PCBP3: variants seen among roughly 807,000 people sequenced by gnomAD.
PCBP3 encodes poly(rC)-binding protein 3.
PCBP3 carries 25 observed loss-of-function variants against 52.7 expected under a neutral mutation model. The ratio of observed to expected loss-of-function variants is 0.47; its 90% CI spans 0.35 to 0.66. The LOEUF (loss-of-function observed/expected upper bound fraction) is 0.66, where lower values mean the gene tolerates loss of function less well. PCBP3 is among the 30% of genes least tolerant of loss of function. The probability of loss-of-function intolerance (pLI) is 0.01; values close to 1 mark genes in which losing one functional copy is unlikely to be tolerated. For synonymous variants in PCBP3, 162 were observed against 183.0 expected (o/e 0.89, Z 0.93); for missense variants, 391 against 490.3 (o/e 0.80, Z 1.91).
chr21:45,699,048 C>G (rs2082953879), intron 2 of PCBP3, among the ~76,000 whole-genome samples: 1 of 152,202 alleles, frequency 6.6e-6, no homozygotes, highest in Non-Finnish European at 1.5e-5. Flanking sequence ...CCAGCTTGCT[C>G]ATTAACGTCA....
At chr21:45,664,658 C>T (rs2080661684) in intron 1 of PCBP3, among the ~76,000 whole-genome samples, 1 of 149,296 alleles carries the variant, frequency 6.7e-6, no homozygotes, top group South Asian at 2.1e-4. Context: ...GGTACATGTG[C>T]ACATTGTGCA....
chr21:45,668,551 A>G (rs1289134724), intron 1 of PCBP3, among the ~76,000 whole-genome samples: 2 of 150,570 alleles, frequency 1.3e-5, no homozygotes, highest in Admixed American at 1.3e-4. Flanking sequence ...TTTCAAGACT[A>G]CTATAGAGCT....
Position 45,853,889 on chromosome 21 carries a change from G to A in PCBP3, c.10+3794G>A, listed in dbSNP as rs1019831228. On this transcript the variant is annotated intron_variant, in intron 5 of 17. Transcript: ENST00000681687. This position sits in a 1 kb window ranked among gnomAD's most constrained non-coding sequence, Gnocchi z 4.6. ...GATAAGGGCCGGTGAGAATAAAAAG[G>A]AGCCGATGGTACGGGGCAGGAGCCG... is the stretch of plus-strand genomic sequence containing the variant. 2.6e-5 allele frequency: 4 copies of A among 152,264 alleles called. No homozygotes were observed. Among genetic ancestry groups the A allele is most frequent in the African/African-American group, 9.6e-5 (4 of 41,456 alleles). The allele number at this position is 152,264 out of a possible 1,614,324, so 9.4% of individuals were successfully genotyped here.
intron 1 of PCBP3, among the ~76,000 whole-genome samples, chr21:45,644,991 A>G (rs908510671): frequency 6.6e-6 from 1 of 152,210 alleles, no homozygotes; most frequent in Admixed American, 6.5e-5. Flanking sequence ...TCCTCCTCAT[A>G]TTCAAGAATA....
chr21:45,682,799 T>C (rs1434531537), intron 2 of PCBP3, among the ~76,000 whole-genome samples: 1 of 152,086 alleles, frequency 6.6e-6, no homozygotes, highest in Admixed American at 6.6e-5. Context: ...AACATGCCAA[T>C]TATACAGCCA....
chr21:45,895,384 C>T (rs901260030), intron 5 of PCBP3, among the ~76,000 whole-genome samples: 1 of 152,170 alleles, frequency 6.6e-6, no homozygotes, highest in African/African-American at 2.4e-5. Flanking sequence ...CGAGCCAGCC[C>T]CCTCGGTGAG....
Position 45,657,046 on chromosome 21 carries a change from C to T in PCBP3, c.-278-11828C>T, listed in dbSNP as rs138964639. On this transcript the variant is annotated intron_variant, in intron 1 of 17. Transcript: ENST00000681687. ...CCGTGTTAGCCAGGATGGTCTCGCT[C>T]TCCTGACCTCGTGATCCACCTGCCT... Among the ~76,000 whole-genome samples, 91 of 152,302 alleles carry T rather than the reference C, an allele frequency of 6.0e-4. No individual in the cohort carries two copies. In the East Asian group the frequency reaches 0.017, roughly 28 times the overall value.
intron 9 of PCBP3, 174 bp downstream of exon 9, chr21:45,901,287 AC>A (rs2096029762): frequency 3.4e-6 from 2 of 594,826 alleles, no homozygotes; most frequent in Non-Finnish European, 3.0e-6. Context: ...GCTCTGGTTC[AC>A]CCAGTCAGGG....
At chr21:45,862,978 G>T (rs550374697) in intron 5 of PCBP3, among the ~76,000 whole-genome samples, 1 of 152,272 alleles carries the variant, frequency 6.6e-6, no homozygotes, top group East Asian at 1.9e-4. Context: ...TCCTCTCTTG[G>T]CCCCGAGTGT....
At chr21:45,848,941 A>G (rs2093885233) in intron 4 of PCBP3, among the ~76,000 whole-genome samples, 1 of 152,232 alleles carries the variant, frequency 6.6e-6, no homozygotes, top group South Asian at 2.1e-4. Flanking sequence ...CTGCACTAGC[A>G]GTAACAGGTG....
intron 4 of PCBP3, among the ~76,000 whole-genome samples, chr21:45,774,663 G>A (rs924401711): frequency 1.3e-5 from 2 of 152,024 alleles, no homozygotes; most frequent in African/African-American, 4.8e-5. Context: ...TGTCATATAT[G>A]GCTTCATTAT....
chr21:45,789,692 G>T (rs962356425), intron 4 of PCBP3, among the ~76,000 whole-genome samples: 1 of 152,158 alleles, frequency 6.6e-6, no homozygotes, highest in African/African-American at 2.4e-5. Flanking sequence ...GGTCATTTGT[G>T]GTCCTGTGGC....
At chr21:45,927,638 G>A (rs911814531) in intron 13 of PCBP3, among the ~76,000 whole-genome samples, 10 of 151,780 alleles carry the variant, frequency 6.6e-5, no homozygotes, top group African/African-American at 2.4e-4. Flanking sequence ...TCCCTAGGAC[G>A]TCCCCTACAT....
chr21:45,825,355 C>T (rs769335231), intron 4 of PCBP3, among the ~76,000 whole-genome samples: 8 of 152,290 alleles, frequency 5.3e-5, no homozygotes, highest in South Asian at 2.1e-4. Flanking sequence ...CCTCCCTGAT[C>T]GTCATCTCTT....
At chr21:45,828,362 G>A (rs575130268) in intron 4 of PCBP3, 3 of 152,342 alleles carry the variant, frequency 2.0e-5, no homozygotes, top group Admixed American at 6.5e-5. Context: ...AATACGGTGA[G>A]TTACTCTCGC....
intron 7 of PCBP3, 138 bp downstream of exon 7, chr21:45,899,760 A>G: frequency 1.5e-6 from 1 of 653,316 alleles, no homozygotes; most frequent in East Asian, 2.7e-5. Context: ...CCATGAAGAC[A>G]GGACCCCAGA....
intron 4 of PCBP3, among the ~76,000 whole-genome samples, chr21:45,810,619 C>A (rs182883894): frequency 2.9e-3 from 442 of 152,224 alleles, no homozygotes; most frequent in Non-Finnish European, 5.4e-3. Context: ...TAGCTATGGT[C>A]ATGAGAGACA....
chr21:45,789,997 A>G (rs915931990), intron 4 of PCBP3, among the ~76,000 whole-genome samples: 2 of 152,110 alleles, frequency 1.3e-5, no homozygotes, highest in Non-Finnish European at 2.9e-5. Context: ...AAAAATAGCC[A>G]GGTGTGGTGG....
chr21:45,926,647 C>T (rs1047413526), intron 13 of PCBP3, among the ~76,000 whole-genome samples: 1 of 152,142 alleles, frequency 6.6e-6, no homozygotes, highest in African/African-American at 2.4e-5. Flanking sequence ...GGCAGATGCT[C>T]CACACAGTGC....
Sources: gnomAD v4.1 joint callset for allele counts (sites outside exome capture counted in the v4.1 genomes callset) on GRCh38, gnomAD v4.1.1 for gene constraint, Gnocchi (gnomAD v3.1) non-coding constraint, MANE v1.5 for transcripts, NCBI Gene and HGNC (gene_info 2026-07-23, HGNC 2026-07-21) for gene names.